Variants in NEMF observed in about 807,000 individuals in gnomAD.
NEMF encodes the protein ribosome quality control complex subunit NEMF.
NEMF carries 89 observed loss-of-function variants against 162.2 expected under a neutral mutation model. The observed-to-expected ratio is 0.55, with a 90% CI of 0.46 to 0.65. The LOEUF (loss-of-function observed/expected upper bound fraction) is 0.65. Ranked by LOEUF, NEMF falls within the 30% of genes least tolerant of loss-of-function variation. The pLI, the probability that NEMF is intolerant of heterozygous loss-of-function variation, is 0.00. For synonymous variants in NEMF, 421 were observed against 404.5 expected (o/e 1.04, Z -0.49); for missense variants, 1,133 against 1,261.9 (o/e 0.90, Z 1.55).
At chr14:49,823,311 A>ATACT (rs1235810596) in intron 16 of NEMF, among the ~76,000 whole-genome samples, 10 of 152,002 alleles carry the variant, frequency 6.6e-5, no homozygotes, top group Admixed American at 3.3e-4. Flanking sequence ...CCAAAAAAGA[A>ATACT]TACTAAAAAA....
At chr14:49,845,495 A>G (rs2140023919) in intron 4 of NEMF, among the ~76,000 whole-genome samples, 1 of 152,212 alleles carries the variant, frequency 6.6e-6, no homozygotes, top group South Asian at 2.1e-4. Context: ...GAACTTTTTT[A>G]CTTTATAAAC....
At chr14:49,846,850 T>C (rs533386951) in intron 3 of NEMF, among the ~76,000 whole-genome samples, 1 of 152,368 alleles carries the variant, frequency 6.6e-6, no homozygotes. Context: ...TTCCTTGTTG[T>C]GGTCCTAATG....
chr14:49,849,525 A>C (rs1486901813), intron 3 of NEMF: 1 of 152,250 alleles, frequency 6.6e-6, no homozygotes, highest in Non-Finnish European at 1.5e-5. Context: ...TTGATTTATA[A>C]AGTGCTTAAC....
At chr14:49,851,310 C>T (rs929066465) in intron 3 of NEMF, among the ~76,000 whole-genome samples, 2 of 152,174 alleles carry the variant, frequency 1.3e-5, no homozygotes, top group African/African-American at 4.8e-5. Flanking sequence ...AACTGTAAGG[C>T]TGAATGTGAT....
At chr14:49,791,387 A>G (rs1212041337) in intron 26 of NEMF, among the ~76,000 whole-genome samples, 2 of 152,086 alleles carry the variant, frequency 1.3e-5, no homozygotes, top group Non-Finnish European at 2.9e-5. Context: ...GATGCTGGAA[A>G]CATTCCAAGT....
At chr14:49,837,476 C>A (rs1041186507) in intron 6 of NEMF, among the ~76,000 whole-genome samples, 6 of 151,802 alleles carry the variant, frequency 4.0e-5, no homozygotes, top group Non-Finnish European at 8.8e-5. Flanking sequence ...CATAATGAGA[C>A]CCTACCTCTA....
In NEMF at chr14:49,802,466, T is replaced by G. The variant is rs1244791221; in HGVS notation, c.2082A>C (p.Glu694Asp). 2 of 1,613,152 alleles carry G rather than the reference T, an allele frequency of 1.2e-6. No homozygotes were observed. Among genetic ancestry groups the G allele is most frequent in the Admixed American group, 3.3e-5 (2 of 59,796 alleles). The change falls in exon 22 of 33, where the codon GAA (glutamate) becomes GAC (aspartate). Residue 694 changes from glutamate (E) to aspartate (D), a missense_variant. Around this residue, in one of 3 missense-constraint regions of NEMF, gnomAD observed 532 missense variants for 578.6 expected, o/e 0.92. Transcript: ENST00000298310. ...ASCTSELISE[E>D]MEQLDGGDTS... The stretch of plus-strand genomic sequence containing the variant: ...TCTATAAACTACCTAATTGTTCCAT[T>G]TCTTCTGATATGAGTTCACTTGTAC...
chr14:49,799,597 G>C, intron 24 of NEMF, 39 bp downstream of exon 24: 1 of 1,595,822 alleles, frequency 6.3e-7, no homozygotes, highest in South Asian at 1.1e-5. Flanking sequence ...ATTATTCACT[G>C]AGAATCGGAT....
chr14:49,841,578 G>GAAAAAAAAAAAAAAAAAAAAAAAA, intron 4 of NEMF, among the ~76,000 whole-genome samples: 1 of 73,316 alleles, frequency 1.4e-5, no homozygotes, highest in Non-Finnish European at 2.6e-5. Flanking sequence ...CTCGTCTTAA[G>GAAAAAAAAAAAAAAAAAAAAAAAA]AAAAAAAAAA....
Position 49,799,466 on chromosome 14 carries a change from T to A in NEMF, c.2465+9A>T. 6.2e-7 allele frequency: 1 copy of A among 1,601,348 alleles called. No individual in the cohort carries two copies. The highest frequency in any genetic ancestry group is 8.5e-7 in the Non-Finnish European group (1 of 1,175,916). ...ATGCTTTTTAGTTAATTAACACAGA[T>A]GTGTTTACCTTCTTTCCTTGGCTGA... On this transcript the variant is annotated intron_variant, in intron 25 of 32. Coordinates refer to ENST00000298310, the MANE Select transcript of NEMF (RefSeq NM_004713.6).
chr14:49,789,603 T>C, intron 26 of NEMF, 30 bp from the exon 27 acceptor site: 1 of 1,590,774 alleles, frequency 6.3e-7, no homozygotes, highest in Non-Finnish European at 8.5e-7. Flanking sequence ...TGGTTGGAAA[T>C]ATTCAGCAGC....
chr14:49,823,509 G>A (rs1032431833), intron 16 of NEMF, among the ~76,000 whole-genome samples: 1 of 151,810 alleles, frequency 6.6e-6, no homozygotes, highest in Admixed American at 6.6e-5. Context: ...AATATTCAGT[G>A]GAAAGATTTG....
chr14:49,799,502 C>G lies in NEMF; in HGVS notation c.2438G>C (p.Arg813Pro), dbSNP rs780721239. The G allele has an allele frequency of 6.2e-7, 1 of 1,611,468 alleles. No individual in the cohort carries two copies. Among genetic ancestry groups the G allele is most frequent in the African/African-American group, 1.3e-5 (1 of 74,664 alleles). The change falls in exon 25 of 33, where the codon CGG becomes CCG. Residue 813 changes from arginine to proline, a missense_variant. Physicochemically the swap from Arg to Pro is moderately radical, Grantham distance 103. Around this residue, in one of 3 missense-constraint regions of NEMF, gnomAD observed 532 missense variants for 578.6 expected, o/e 0.92. Coordinates refer to ENST00000298310, the MANE Select transcript of NEMF (RefSeq NM_004713.6). The stretch of plus-strand genomic sequence containing the variant: ...TCTTTCCTTGGCTGACAAATGTCTC[C>G]GGCTCTGTGATTTACTGTCACTCTA... The part of the protein sequence containing the change: ...SNSSDSKSQS[R>P]RHLSAKERRE...
At chr14:49,844,487 C>G (rs530369427) in intron 4 of NEMF, among the ~76,000 whole-genome samples, 2 of 152,122 alleles carry the variant, frequency 1.3e-5, no homozygotes, top group East Asian at 3.9e-4. Context: ...AAATGGAACA[C>G]CTGTATAGGG....
At chr14:49,822,576 TC>T (rs1449192568) in intron 16 of NEMF, among the ~76,000 whole-genome samples, 2 of 147,106 alleles carry the variant, frequency 1.4e-5, no homozygotes, top group African/African-American at 2.5e-5. Flanking sequence ...TTATCTGTAA[TC>T]CCAGCACTTT....
rs140515760 is a variant in NEMF at position 49,807,655 on chromosome 14, G to T, written c.1745-1522C>A. 8.9e-3 allele frequency among the ~76,000 whole-genome samples: 1,316 copies of T among 148,470 alleles called. 27 individuals are homozygous for T. Among genetic ancestry groups the T allele is most frequent in the African/African-American group, 0.031 (1,259 of 40,106 alleles). ...CTTTTCACCCCGGCTGGAGTGCAGT[G>T]GCGTGATCTCGGCTCACTGCAACCT... is the stretch of plus-strand genomic sequence containing the variant. On this transcript the variant is annotated intron_variant, in intron 18 of 32. Transcript: ENST00000298310.
At chr14:49,800,061 T>C (rs1206280124) in intron 23 of NEMF, among the ~76,000 whole-genome samples, 1 of 152,228 alleles carries the variant, frequency 6.6e-6, no homozygotes, top group Admixed American at 6.5e-5. Context: ...TAGACTGTTC[T>C]GAATTACCCC....
At chr14:49,793,441 G>A (rs996542085) in intron 26 of NEMF, among the ~76,000 whole-genome samples, 3 of 152,202 alleles carry the variant, frequency 2.0e-5, no homozygotes, top group Non-Finnish European at 4.4e-5. Context: ...CACTTTGGGA[G>A]GCTGAGGCGG....
At chr14:49,796,389 C>A (rs1890692826) in intron 25 of NEMF, 1 of 426,726 alleles carries the variant, frequency 2.3e-6, no homozygotes, top group Admixed American at 2.6e-5. Context: ...CTGTGGTATT[C>A]TTCTTTCTGT....
Sources: allele counts gnomAD v4.1 joint callset (sites outside exome capture counted in the v4.1 genomes callset), GRCh38; gene constraint gnomAD v4.1.1; regional missense constraint gnomAD v4.1.1; transcripts MANE v1.5; gene names NCBI Gene and HGNC (gene_info 2026-07-23, HGNC 2026-07-21).